The following RGS7BP variants were observed in gnomAD, a reference collection of about 807,000 sequenced individuals.
RGS7BP encodes the protein regulator of G protein signaling 7 binding protein, also known as regulator of G protein signaling 7-binding protein.
In RGS7BP, 9 loss-of-function variants were observed where a neutral mutation model predicts 31.3. The ratio of observed to expected loss-of-function variants is 0.29; its 90% CI spans 0.17 to 0.50. The LOEUF is 0.50. RGS7BP is among the 20% of genes least tolerant of loss of function. The pLI is 0.98. For missense variants in RGS7BP, 274 were observed against 322.0 expected (o/e 0.85, Z 1.14); for synonymous variants, 115 against 120.1 (o/e 0.96, Z 0.28).
intron 2 of RGS7BP, among the ~76,000 whole-genome samples, chr5:64,551,082 C>T (rs910285965): frequency 1.2e-4 from 18 of 151,648 alleles, no homozygotes; most frequent in Admixed American, 3.3e-4. Context: ...ACTGAGGTTT[C>T]ATTTCCTTGA....
chr5:64,538,701 C>T (rs1377230052), intron 2 of RGS7BP, among the ~76,000 whole-genome samples: 10 of 150,904 alleles, frequency 6.6e-5, no homozygotes, highest in Admixed American at 5.9e-4. Context: ...GGATTACAGG[C>T]ACCCGCACCA....
intron 3 of RGS7BP, among the ~76,000 whole-genome samples, chr5:64,586,365 T>G (rs1742752300): frequency 6.6e-6 from 1 of 152,184 alleles, no homozygotes; most frequent in South Asian, 2.1e-4. Context: ...TTGAACTACT[T>G]TGAGGAACAT....
chr5:64,510,067 G>T (rs1748792004), intron 2 of RGS7BP, among the ~76,000 whole-genome samples: 1 of 152,182 alleles, frequency 6.6e-6, no homozygotes, highest in Non-Finnish European at 1.5e-5. Context: ...CTGGTAGGGA[G>T]GCTGTAGGAG....
At chr5:64,532,911 G>A (rs1434826989) in intron 2 of RGS7BP, among the ~76,000 whole-genome samples, 1 of 152,106 alleles carries the variant, frequency 6.6e-6, no homozygotes, top group East Asian at 1.9e-4. Flanking sequence ...AGTATTGTTT[G>A]CAGCTCTGTG....
chr5:64,544,166 C>T lies in RGS7BP; in HGVS notation c.333-31608C>T, dbSNP rs76868693. 5.1e-3 allele frequency among the ~76,000 whole-genome samples: 777 copies of T among 152,232 alleles called. 3 individuals are homozygous for T. The highest frequency in any genetic ancestry group is 7.9e-3 in the Non-Finnish European group (540 of 68,010). ...ATGTGTCAGGCATTGTATTAAGCAC[C>T]GGGGCACAAAAGTGAGCAAGACACA... On this transcript the variant is annotated intron_variant, in intron 2 of 5. Transcript: ENST00000334025.
intron 2 of RGS7BP, among the ~76,000 whole-genome samples, chr5:64,551,575 G>C (rs1243112243): frequency 1.3e-5 from 2 of 151,756 alleles, no homozygotes; most frequent in Non-Finnish European, 2.9e-5. Context: ...TAAGACTATA[G>C]AGTGTGCTTC....
At chr5:64,596,034 A>G (rs1297151895) in intron 4 of RGS7BP, among the ~76,000 whole-genome samples, 1 of 152,238 alleles carries the variant, frequency 6.6e-6, no homozygotes, top group Non-Finnish European at 1.5e-5. Flanking sequence ...ATAAAGTAGA[A>G]AATTCTTAGC....
At chr5:64,534,242 C>T (rs999036599) in intron 2 of RGS7BP, among the ~76,000 whole-genome samples, 1 of 137,386 alleles carries the variant, frequency 7.3e-6, no homozygotes, top group Non-Finnish European at 1.6e-5. Flanking sequence ...AGTTCCAGAG[C>T]CTGACAGACT....
intron 3 of RGS7BP, among the ~76,000 whole-genome samples, chr5:64,581,683 C>G (rs1742601177): frequency 6.6e-6 from 1 of 152,208 alleles, no homozygotes; most frequent in Non-Finnish European, 1.5e-5. Context: ...TTTTCCTTCT[C>G]TCCCAATTAA....
intron 2 of RGS7BP, among the ~76,000 whole-genome samples, chr5:64,514,465 C>G (rs1158082750): frequency 6.6e-6 from 1 of 152,176 alleles, no homozygotes; most frequent in African/African-American, 2.4e-5. Context: ...TCTCTCCACA[C>G]TTTCATACAA....
chr5:64,570,093 C>T (rs925885699), intron 2 of RGS7BP, among the ~76,000 whole-genome samples: 1 of 151,986 alleles, frequency 6.6e-6, no homozygotes, highest in African/African-American at 2.4e-5. Context: ...TTTCCTCAGC[C>T]TAATGGCATA....
In RGS7BP at chr5:64,594,761, G is replaced by A; in HGVS notation, c.515G>A (p.Ser172Asn). 1 of 1,613,818 alleles carries A rather than the reference G, an allele frequency of 6.2e-7. No individual in the cohort carries two copies. Among genetic ancestry groups the A allele is most frequent in the Non-Finnish European group, 8.5e-7 (1 of 1,179,826 alleles). ...AGTTTGGATTGCAAAATTGAGGAGAGTGCTGAAACACCTGCCCTAGAAGAC... is the reference window on the plus strand; with the variant it reads ...AGTTTGGATTGCAAAATTGAGGAGAATGCTGAAACACCTGCCCTAGAAGAC... The part of the protein sequence containing the change: ...TKSLDCKIEE[S>N]AETPALEDSS... The change falls in exon 4 of 6, where the codon AGT (serine) becomes AAT (asparagine). Residue 172 changes from serine (S) to asparagine (N), a missense_variant. Around this residue, in one of 3 missense-constraint regions of RGS7BP, gnomAD observed 112 missense variants for 130.9 expected, o/e 0.86. Coordinates refer to ENST00000334025, the MANE Select transcript of RGS7BP (RefSeq NM_001029875.3).
chr5:64,545,112 G>A (rs532174079), intron 2 of RGS7BP, among the ~76,000 whole-genome samples: 32 of 151,900 alleles, frequency 2.1e-4, no homozygotes, highest in Non-Finnish European at 3.2e-4. Flanking sequence ...GGAAGAAGAG[G>A]TTGCAGTGAG....
chr5:64,554,198 C>T (rs1741866654), intron 2 of RGS7BP, among the ~76,000 whole-genome samples: 1 of 152,102 alleles, frequency 6.6e-6, no homozygotes. Context: ...ATTTATTCTC[C>T]CGTTTCCCTC....
Position 64,527,728 on chromosome 5 carries a change from T to G in RGS7BP, c.332+19851T>G, listed in dbSNP as rs562712392. Reference sequence around the variant, plus strand: ...TAGAATACAGTACAAACATAAAAAATGACATTAAGTGAAACAGCAGATTAT... The same window carrying G: ...TAGAATACAGTACAAACATAAAAAAGGACATTAAGTGAAACAGCAGATTAT... On this transcript the variant is annotated intron_variant, in intron 2 of 5. Coordinates refer to ENST00000334025, the MANE Select transcript of RGS7BP (RefSeq NM_001029875.3). Among the ~76,000 whole-genome samples, 78 of 146,438 alleles carry G rather than the reference T, an allele frequency of 5.3e-4. 1 individual carries two copies. The South Asian group carries it at 0.016, about 29-fold the overall frequency.
chr5:64,598,625 G>A (rs1026862150), intron 5 of RGS7BP, among the ~76,000 whole-genome samples, 190 bp downstream of exon 5: 4 of 152,060 alleles, frequency 2.6e-5, no homozygotes, highest in Non-Finnish European at 4.4e-5. Context: ...GCTCTGAGGG[G>A]GCCCAAGGTA....
chr5:64,610,731 G>A lies in RGS7BP; in HGVS notation c.*1479G>A, dbSNP rs1743481649. ...AACTACTGTAATAATTATTGTATTA[G>A]GTTGAATTATATGAAATTTCCTATA... On this transcript the variant is annotated 3_prime_UTR_variant, in exon 6 of 6. Coordinates refer to ENST00000334025, the MANE Select transcript of RGS7BP (RefSeq NM_001029875.3). The A allele has an allele frequency of 6.6e-6, 1 of 151,768 alleles. No homozygotes were observed. The highest frequency in any genetic ancestry group is 6.6e-5 in the Admixed American group (1 of 15,198). The allele number at this position is 151,768 out of a possible 1,614,324, so 9.4% of individuals were successfully genotyped here. A position where few individuals can be genotyped will look rare whatever the true frequency, so the allele number is the denominator to read the frequency against.
chr5:64,528,872 T>C (rs1580399848), intron 2 of RGS7BP, among the ~76,000 whole-genome samples: 2 of 148,500 alleles, frequency 1.3e-5, no homozygotes, highest in African/African-American at 5.0e-5. Context: ...CCAATTTCAC[T>C]GGGTTGCCAT....
chr5:64,539,305 T>C (rs1741462446), intron 2 of RGS7BP, among the ~76,000 whole-genome samples: 1 of 152,208 alleles, frequency 6.6e-6, no homozygotes, highest in Non-Finnish European at 1.5e-5. Context: ...TCATATTTTT[T>C]CCCAGTTTGA....
Sources: gnomAD v4.1 joint callset for allele counts (sites outside exome capture counted in the v4.1 genomes callset) on GRCh38, gnomAD v4.1.1 for gene constraint, gnomAD v4.1.1 regional missense constraint, MANE v1.5 for transcripts, NCBI Gene and HGNC (gene_info 2026-07-23, HGNC 2026-07-21) for gene names.